The following ABCG2 variants were observed in gnomAD, a reference collection of about 807,000 sequenced individuals.
ABCG2 encodes ATP binding cassette subfamily G member 2 (JR blood group).
ABCG2 carries 80 observed loss-of-function variants against 73.5 expected under a neutral mutation model. That is an observed-to-expected ratio of 1.09 (90% CI 0.91 to 1.31). The LOEUF (loss-of-function observed/expected upper bound fraction) is 1.31, where lower values mean the gene tolerates loss of function less well. ABCG2 is among the 50% of genes most tolerant of loss of function. ABCG2 has a pLI of 0.00. For synonymous variants in ABCG2, 269 were observed against 282.4 expected (o/e 0.95, Z 0.48); for missense variants, 796 against 786.2 (o/e 1.01, Z -0.15).
intron 2 of ABCG2, among the ~76,000 whole-genome samples, chr4:88,135,327 C>T (rs1249041576): frequency 2.6e-5 from 4 of 152,240 alleles, no homozygotes; most frequent in Non-Finnish European, 5.9e-5. Flanking sequence ...TACCACCTCT[C>T]ACACCCTCCT....
intron 1 of ABCG2, among the ~76,000 whole-genome samples, chr4:88,216,828 A>G (rs1270374957): frequency 6.6e-6 from 1 of 152,126 alleles, no homozygotes; most frequent in Non-Finnish European, 1.5e-5. Flanking sequence ...TCAGGAGTTC[A>G]AGACCAGCCT....
chr4:88,180,990 A>G (rs1289110321), intron 1 of ABCG2, among the ~76,000 whole-genome samples: 4 of 152,206 alleles, frequency 2.6e-5, no homozygotes, highest in African/African-American at 9.6e-5. Flanking sequence ...ATAAGATATA[A>G]ATAGAAAAAA....
intron 5 of ABCG2, among the ~76,000 whole-genome samples, chr4:88,127,286 A>T (rs1724492831): frequency 6.6e-6 from 1 of 152,244 alleles, no homozygotes; most frequent in African/African-American, 2.4e-5. Context: ...AAACAAATGG[A>T]AAAACATTTC....
chr4:88,114,506 A>G (rs1376516276), intron 8 of ABCG2, among the ~76,000 whole-genome samples: 1 of 151,930 alleles, frequency 6.6e-6, no homozygotes, highest in Non-Finnish European at 1.5e-5. Flanking sequence ...ACAGGCTTGT[A>G]ATTCTAGTTG....
intron 5 of ABCG2, among the ~76,000 whole-genome samples, chr4:88,130,235 C>G (rs1296409179): frequency 1.3e-5 from 2 of 152,120 alleles, no homozygotes; most frequent in Non-Finnish European, 2.9e-5. Context: ...TGCATTACCA[C>G]CTGAGCTCCA....
chr4:88,198,562 G>A (rs1477062016), intron 1 of ABCG2, among the ~76,000 whole-genome samples: 1 of 152,126 alleles, frequency 6.6e-6, no homozygotes, highest in Non-Finnish European at 1.5e-5. Context: ...GAGCCCAGGA[G>A]TTTGAGGCTG....
intron 1 of ABCG2, among the ~76,000 whole-genome samples, chr4:88,230,308 T>TAGATATATATATATATATATATATATA (rs746680651): frequency 1.0e-5 from 1 of 96,236 alleles, no homozygotes; most frequent in Non-Finnish European, 2.1e-5. Context: ...TATATATATA[T>TAGATATATATATATATATATATATATA]TTTTTTTTTT....
chr4:88,226,284 T>A (rs906156113), intron 1 of ABCG2, among the ~76,000 whole-genome samples: 9 of 152,158 alleles, frequency 5.9e-5, no homozygotes, highest in Non-Finnish European at 8.8e-5. Context: ...CAGAGTCAAG[T>A]CCAAATCTGT....
rs138293802 is a variant in ABCG2 at position 88,108,730 on chromosome 4, A to T, written c.1195-1464T>A. 1.1e-4 allele frequency among the ~76,000 whole-genome samples: 16 copies of T among 152,334 alleles called. No homozygotes were observed. In the East Asian group the frequency reaches 3.1e-3, roughly 29 times the overall value. On this transcript the variant is annotated intron_variant, in intron 9 of 15. Transcript: ENST00000237612. ...AAGCAAACCGAACTGCAAAAACAGT[A>T]CCATCATCTGTGATAACTAGTTTGT... is the stretch of plus-strand genomic sequence containing the variant.
chr4:88,202,265 C>A (rs1433817328), intron 1 of ABCG2, among the ~76,000 whole-genome samples: 4 of 147,800 alleles, frequency 2.7e-5, no homozygotes, highest in Non-Finnish European at 5.9e-5. Flanking sequence ...AATCCCATCA[C>A]CTTGGGAGGT....
intron 1 of ABCG2, among the ~76,000 whole-genome samples, chr4:88,209,390 G>A (rs1159780170): frequency 6.6e-5 from 10 of 151,628 alleles, no homozygotes; most frequent in African/African-American, 2.2e-4. Flanking sequence ...CAGACCGGAT[G>A]CGGTGGCTCA....
At chr4:88,158,733 G>A (rs1034017885), upstream of ABCG2, 4 of 417,300 alleles carry the variant, frequency 9.6e-6, no homozygotes, top group Non-Finnish European at 1.9e-5. Flanking sequence ...CACCCGGCGC[G>A]CCCGAGCGCT....
rs112446856 is a variant in ABCG2, at chr4:88,212,623, C to T, written c.-20+18371G>A. Among the ~76,000 whole-genome samples, 408 of 152,214 alleles carry T rather than the reference C, an allele frequency of 2.7e-3. 3 individuals carry two copies. The highest frequency in any genetic ancestry group is 8.9e-3 in the African/African-American group (369 of 41,486). On this transcript the variant is annotated intron_variant, in intron 1 of 15. Coordinates refer to the ABCG2 transcript ENST00000515655. The stretch of plus-strand genomic sequence containing the variant: ...CGGCAAACCTTTGACCTTGCTCCAC[C>T]AGGGCCTAAAACCCATTAATTACAC...
At chr4:88,154,460 G>C (rs897105083) in intron 1 of ABCG2, among the ~76,000 whole-genome samples, 1 of 152,132 alleles carries the variant, frequency 6.6e-6, no homozygotes, top group Admixed American at 6.6e-5. Context: ...CAATGAGTTC[G>C]GCTTGCTGAG....
chr4:88,202,373 T>TATATATATATATATATATATAG (rs1729217689), intron 1 of ABCG2, among the ~76,000 whole-genome samples: 1 of 128,368 alleles, frequency 7.8e-6, no homozygotes, highest in East Asian at 2.5e-4. Context: ...TATATATATA[T>TATATATATATATATATATATAG]ATATGTATAT....
chr4:88,139,668 T>A (rs1725488828), intron 2 of ABCG2, 125 bp downstream of exon 2: 1 of 729,412 alleles, frequency 1.4e-6, no homozygotes, highest in Admixed American at 3.0e-5. Flanking sequence ...AAAGCATGTG[T>A]CTGTATATCT....
At chr4:88,130,107 G>A (rs1371995312) in intron 5 of ABCG2, among the ~76,000 whole-genome samples, 2 of 152,130 alleles carry the variant, frequency 1.3e-5, no homozygotes, top group Non-Finnish European at 2.9e-5. Flanking sequence ...AATTTTGGAA[G>A]CCAAATTATA....
intron 1 of ABCG2, among the ~76,000 whole-genome samples, chr4:88,210,621 C>A (rs776323492): frequency 1.2e-4 from 18 of 147,662 alleles, no homozygotes; most frequent in Non-Finnish European, 2.7e-4. Context: ...GAGATGGGAT[C>A]TTGCTCTGTT....
intron 10 of ABCG2, among the ~76,000 whole-genome samples, chr4:88,104,609 G>A (rs937836722): frequency 4.0e-5 from 6 of 151,836 alleles, no homozygotes; most frequent in Admixed American, 1.3e-4. Flanking sequence ...CATGGCACAC[G>A]TTTAACTATG....
Sources: allele counts gnomAD v4.1 joint callset (sites outside exome capture counted in the v4.1 genomes callset), GRCh38; gene constraint gnomAD v4.1.1; transcripts MANE v1.5; gene names NCBI Gene and HGNC (gene_info 2026-07-23, HGNC 2026-07-21).